The following TMEM178B variants were observed in gnomAD, a reference collection of about 807,000 sequenced individuals.
TMEM178B encodes the protein transmembrane protein 178B.
A neutral mutation model predicts 31.0 loss-of-function variants in TMEM178B; 5 were observed. That is an observed-to-expected ratio of 0.16 (90% CI 0.08 to 0.34). TMEM178B has a LOEUF of 0.34. TMEM178B is among the 10% of genes least tolerant of loss of function. The pLI is 1.00. For missense variants in TMEM178B, 275 were observed against 400.3 expected (o/e 0.69, Z 2.67); for synonymous variants, 164 against 164.0 (o/e 1.00, Z 0.00).
rs536433486 is a variant in TMEM178B, at chr7:141,341,753, A to G, written c.497-95855A>G. ...ATTTCAAATGCATCTCCTTTTAACT[A>G]GAAAAAAAAAAATTATGGCAAAGCT... On this transcript the variant is annotated intron_variant, in intron 2 of 3. Transcript: ENST00000565468. Among the ~76,000 whole-genome samples the G allele has an allele frequency of 2.8e-3, 426 of 151,084 alleles. 2 individuals carry two copies. The highest frequency in any genetic ancestry group is 0.01 in the African/African-American group (418 of 40,682).
chr7:141,096,305 C>A (rs1026841213), intron 1 of TMEM178B, among the ~76,000 whole-genome samples: 3 of 152,184 alleles, frequency 2.0e-5, no homozygotes, highest in Admixed American at 6.5e-5. Flanking sequence ...GGCTATGTGA[C>A]TGGGTTCTGG....
chr7:141,185,279 C>T (rs190805446), intron 1 of TMEM178B, among the ~76,000 whole-genome samples: 1 of 152,250 alleles, frequency 6.6e-6, no homozygotes, highest in East Asian at 1.9e-4. Context: ...TTTCTGTATC[C>T]CAGGTTTCTT....
At chr7:141,369,357 GTA>G (rs201954975) in intron 2 of TMEM178B, among the ~76,000 whole-genome samples, 3,000 of 124,034 alleles carry the variant, frequency 0.024, 63 homozygotes, top group East Asian at 0.097. Context: ...GTGTGTGTGT[GTA>G]TGTGTGTGTG....
At position 141,237,222 on chromosome 7, in the gene TMEM178B, G is replaced by A. The variant is rs554857317; in HGVS notation, c.496+24518G>A. 4.8e-4 allele frequency among the ~76,000 whole-genome samples: 73 copies of A among 152,288 alleles called. 1 individual carries two copies. In the South Asian group the frequency reaches 0.015, roughly 31 times the overall value. On this transcript the variant is annotated intron_variant, in intron 2 of 3. Transcript: ENST00000565468. ...CAATATTTATCACAAGTCTTAGAAT[G>A]TTCATACTCTGTGACTAAGTAATCC... is the stretch of plus-strand genomic sequence containing the variant.
chr7:141,091,596 T>G lies in TMEM178B; in HGVS notation c.382+16904T>G, dbSNP rs188479219. ...GAGCTGCATCAGAGACCATAATGGC[T>G]TCTTCATAGGAGATAGATTGTCTCC... On this transcript the variant is annotated intron_variant, in intron 1 of 3. Transcript: ENST00000565468. Among the ~76,000 whole-genome samples the G allele has an allele frequency of 3.0e-4, 45 of 152,300 alleles. No individual in the cohort carries two copies. In the East Asian group the frequency reaches 6.2e-3, roughly 21 times the overall value.
At chr7:141,162,004 A>C (rs184200338) in intron 1 of TMEM178B, among the ~76,000 whole-genome samples, 2 of 152,094 alleles carry the variant, frequency 1.3e-5, no homozygotes, top group Non-Finnish European at 2.9e-5. Context: ...AAAGGGAGGC[A>C]TCCTTCCCAG....
chr7:141,247,396 C>T (rs901829505), intron 2 of TMEM178B, among the ~76,000 whole-genome samples: 12 of 152,010 alleles, frequency 7.9e-5, no homozygotes, highest in African/African-American at 2.2e-4. Flanking sequence ...TTTTTGCCTA[C>T]GGTTTTAGAC....
chr7:141,371,136 G>A (rs1800107508), intron 2 of TMEM178B, among the ~76,000 whole-genome samples: 1 of 152,144 alleles, frequency 6.6e-6, no homozygotes, highest in Non-Finnish European at 1.5e-5. Context: ...TTGGATCTTT[G>A]TCCCTTCCAA....
intron 2 of TMEM178B, among the ~76,000 whole-genome samples, chr7:141,247,514 G>A (rs1797757014): frequency 6.6e-6 from 1 of 152,124 alleles, no homozygotes; most frequent in Non-Finnish European, 1.5e-5. Flanking sequence ...CTGCCTCCAA[G>A]CGACATCCAT....
intron 2 of TMEM178B, among the ~76,000 whole-genome samples, chr7:141,232,887 G>A (rs965190793): frequency 6.6e-6 from 1 of 152,176 alleles, no homozygotes; most frequent in African/African-American, 2.4e-5. Context: ...CAGGAGATTA[G>A]TAATGGAGGC....
At chr7:141,290,006 G>A (rs1390510492) in intron 2 of TMEM178B, among the ~76,000 whole-genome samples, 1 of 152,136 alleles carries the variant, frequency 6.6e-6, no homozygotes, top group Non-Finnish European at 1.5e-5. Context: ...GAAGAAAGAA[G>A]AAGAAATGGA....
chr7:141,207,702 C>A (rs917358264), intron 1 of TMEM178B, among the ~76,000 whole-genome samples: 1 of 152,110 alleles, frequency 6.6e-6, no homozygotes, highest in African/African-American at 2.4e-5. Context: ...CTTGCTATGA[C>A]CCTGACATAT....
At chr7:141,094,768 T>A (rs1279516318) in intron 1 of TMEM178B, among the ~76,000 whole-genome samples, 3 of 152,212 alleles carry the variant, frequency 2.0e-5, no homozygotes, top group Non-Finnish European at 4.4e-5. Context: ...TTGGCTCTGA[T>A]GACATTCAGG....
intron 2 of TMEM178B, among the ~76,000 whole-genome samples, chr7:141,289,834 A>G (rs940888729): frequency 6.6e-6 from 1 of 151,972 alleles, no homozygotes; most frequent in Non-Finnish European, 1.5e-5. Context: ...TCAGATCAGG[A>G]TGGAAATGGA....
intron 2 of TMEM178B, among the ~76,000 whole-genome samples, chr7:141,271,764 G>A (rs1404723755): frequency 6.6e-6 from 1 of 152,124 alleles, no homozygotes; most frequent in East Asian, 1.9e-4. Flanking sequence ...TCCAAGTATG[G>A]TGCTGCCTAG....
At chr7:141,371,209 T>C (rs970231290) in intron 2 of TMEM178B, among the ~76,000 whole-genome samples, 1 of 152,190 alleles carries the variant, frequency 6.6e-6, no homozygotes, top group Non-Finnish European at 1.5e-5. Flanking sequence ...GCTCGCATTA[T>C]GGGCTGGATT....
chr7:141,195,747 A>G (rs1296334029), intron 1 of TMEM178B, among the ~76,000 whole-genome samples: 2 of 152,198 alleles, frequency 1.3e-5, no homozygotes, highest in South Asian at 2.1e-4. Flanking sequence ...ATAAAGACAT[A>G]CCCAAGACTG....
intron 2 of TMEM178B, among the ~76,000 whole-genome samples, chr7:141,370,278 G>A (rs114982019): frequency 0.023 from 3,524 of 152,242 alleles, 121 homozygotes; most frequent in African/African-American, 0.08. Flanking sequence ...GAGGATCTGC[G>A]GTTTTAACTG....
chr7:141,154,652 A>G (rs1398321224), intron 1 of TMEM178B, among the ~76,000 whole-genome samples: 1 of 151,818 alleles, frequency 6.6e-6, no homozygotes, highest in African/African-American at 2.4e-5. Context: ...GCCCTTGGAT[A>G]CTTATAGTTC....
Sources: gnomAD v4.1 joint callset for allele counts (sites outside exome capture counted in the v4.1 genomes callset) on GRCh38, gnomAD v4.1.1 for gene constraint, MANE v1.5 for transcripts, NCBI Gene and HGNC (gene_info 2026-07-23, HGNC 2026-07-21) for gene names.